The following TPD52 variants were observed in gnomAD, a reference collection of about 807,000 sequenced individuals.
The protein encoded by TPD52 is prostate and colon associated protein.
Under a neutral mutation model 31.3 loss-of-function variants are expected in TPD52, and 17 were observed. The ratio of observed to expected loss-of-function variants is 0.54; its 90% CI spans 0.37 to 0.82. The LOEUF (loss-of-function observed/expected upper bound fraction) is 0.82, where lower values mean the gene tolerates loss of function less well. TPD52 is among the 40% of genes least tolerant of loss of function. TPD52 has a pLI of 0.00. For synonymous variants in TPD52, 83 were observed against 89.6 expected (o/e 0.93, Z 0.42); for missense variants, 212 against 240.1 (o/e 0.88, Z 0.77).
At position 80,048,581 on chromosome 8, in the gene TPD52, T is replaced by A. The variant is rs572214190; in HGVS notation, c.413+1864A>T. ...ATCTACAGCCTAAGCTCCCTTTCCT[T>A]GGGTAGTTCTTGAGGGAACGTGGCC... On this transcript the variant is annotated intron_variant, in intron 5 of 7. Transcript: ENST00000518937. Among the ~76,000 whole-genome samples the A allele has an allele frequency of 2.6e-5, 4 of 152,316 alleles. No homozygotes were observed. In the South Asian group the frequency reaches 6.2e-4, roughly 24 times the overall value.
At chr8:80,063,248 C>T (rs1812738771) in intron 2 of TPD52, among the ~76,000 whole-genome samples, 2 of 152,194 alleles carry the variant, frequency 1.3e-5, no homozygotes, top group African/African-American at 2.4e-5. Context: ...ATATGTGCTA[C>T]ACCATGAATC....
At chr8:80,082,487 G>A (rs749552447) in intron 1 of TPD52, among the ~76,000 whole-genome samples, 2 of 152,248 alleles carry the variant, frequency 1.3e-5, no homozygotes, top group South Asian at 4.1e-4. Flanking sequence ...ATAGTGATAC[G>A]GATAGAATGC....
chr8:80,053,241 CT>C, intron 3 of TPD52, 40 bp downstream of exon 3: 1 of 1,604,838 alleles, frequency 6.2e-7, no homozygotes. Context: ...CAACAGTGTC[CT>C]TTACACTCCC....
intron 1 of TPD52, among the ~76,000 whole-genome samples, chr8:80,078,030 T>C (rs1586245967): frequency 6.6e-6 from 1 of 152,218 alleles, no homozygotes; most frequent in Admixed American, 6.5e-5. Context: ...CAGTTATTGA[T>C]AGATTCTTAT....
At chr8:80,103,709 A>G (rs1402781767) in intron 1 of TPD52, among the ~76,000 whole-genome samples, 1 of 152,216 alleles carries the variant, frequency 6.6e-6, no homozygotes, top group Non-Finnish European at 1.5e-5. Flanking sequence ...CAAGTTCTCC[A>G]AGTTCATTTT....
At chr8:80,165,367 T>C (rs764454197) in intron 1 of TPD52, among the ~76,000 whole-genome samples, 32 of 152,232 alleles carry the variant, frequency 2.1e-4, no homozygotes, top group Non-Finnish European at 4.1e-4. Flanking sequence ...GGCATTTTTA[T>C]GGAATGACTT....
At chr8:80,053,072 T>C (rs1811530338) in intron 3 of TPD52, 2 of 452,890 alleles carry the variant, frequency 4.4e-6, no homozygotes, top group Non-Finnish European at 3.9e-6. Context: ...ACTGGCTAGC[T>C]TTCTTTCTAT....
chr8:80,050,398 T>G, intron 5 of TPD52, 47 bp downstream of exon 5: 1 of 1,574,378 alleles, frequency 6.4e-7, no homozygotes, highest in East Asian at 2.3e-5. Context: ...CAGCACACTT[T>G]TCTTATACAA....
chr8:80,042,357 C>A, intron 7 of TPD52: 2 of 985,372 alleles, frequency 2.0e-6, no homozygotes, highest in Non-Finnish European at 2.4e-6. Flanking sequence ...AAGCAAAAAG[C>A]AGCACAAATT....
At chr8:80,129,039 A>G (rs1287303917) in intron 1 of TPD52, among the ~76,000 whole-genome samples, 2 of 152,140 alleles carry the variant, frequency 1.3e-5, no homozygotes, top group Non-Finnish European at 2.9e-5. Flanking sequence ...TTGAAGATAA[A>G]TTTTGATTGA....
At chr8:80,051,435 C>G in intron 4 of TPD52, 92 bp downstream of exon 4, 1 of 1,227,904 alleles carries the variant, frequency 8.1e-7, no homozygotes, top group Non-Finnish European at 1.2e-6. Context: ...TAGCTAGCAT[C>G]AACTAGAGCC....
chr8:80,156,460 T>G (rs1255679047), intron 1 of TPD52, among the ~76,000 whole-genome samples: 2 of 152,164 alleles, frequency 1.3e-5, no homozygotes, highest in Non-Finnish European at 2.9e-5. Context: ...GAACACCTTT[T>G]GGAGGGAGGA....
Position 80,171,377 on chromosome 8 carries a change from AGCCC to A in TPD52, c.19+44_19+47del, listed in dbSNP as rs768812397. On this transcript the variant is annotated intron_variant, in intron 1 of 7. Transcript: ENST00000518937. ...CGCGCCGAGCCAAAGCCCGAGTCCA[AGCCC>A]GAGTCCAAGCCCGAGCCCAAGCCCG... 5.0e-5 allele frequency: 79 copies of A among 1,585,594 alleles called. No homozygotes were observed. In the African/African-American group the frequency reaches 9.6e-4, roughly 19 times the overall value.
chr8:80,079,447 C>T (rs1263641711), intron 1 of TPD52, among the ~76,000 whole-genome samples: 2 of 152,214 alleles, frequency 1.3e-5, no homozygotes, highest in African/African-American at 2.4e-5. Context: ...TCGGCAAATA[C>T]ACAAACCTAA....
At chr8:80,117,251 G>A (rs1185183205) in intron 1 of TPD52, among the ~76,000 whole-genome samples, 4 of 152,044 alleles carry the variant, frequency 2.6e-5, no homozygotes, top group Non-Finnish European at 4.4e-5. Context: ...GAATAATAAG[G>A]AATCCATTAA....
chr8:80,096,939 G>A (rs754123236), intron 1 of TPD52, among the ~76,000 whole-genome samples: 2 of 152,198 alleles, frequency 1.3e-5, no homozygotes, highest in Non-Finnish European at 2.9e-5. Context: ...TAAGCTTAGC[G>A]AGAAAGGCAT....
intron 2 of TPD52, among the ~76,000 whole-genome samples, chr8:80,054,192 T>C (rs891074360): frequency 6.6e-6 from 1 of 152,094 alleles, no homozygotes; most frequent in East Asian, 1.9e-4. Flanking sequence ...GTTTGAGAAG[T>C]GAGATGACAT....
chr8:80,072,315 A>ATGTGTGTG (rs1333429744), intron 1 of TPD52, among the ~76,000 whole-genome samples: 4 of 70,432 alleles, frequency 5.7e-5, no homozygotes, highest in South Asian at 4.1e-4. Flanking sequence ...TAAAAAACAT[A>ATGTGTGTG]TATGTGTGTG....
At chr8:80,129,139 T>C (rs1808842520) in intron 1 of TPD52, among the ~76,000 whole-genome samples, 1 of 152,168 alleles carries the variant, frequency 6.6e-6, no homozygotes, top group South Asian at 2.1e-4. Flanking sequence ...ATATTAGATA[T>C]ACATGAATTT....
Sources: allele counts gnomAD v4.1 joint callset (sites outside exome capture counted in the v4.1 genomes callset), GRCh38; gene constraint gnomAD v4.1.1; transcripts MANE v1.5; gene names NCBI Gene and HGNC (gene_info 2026-07-23, HGNC 2026-07-21).